The following RGS4 variants were observed in gnomAD, a reference collection of about 807,000 sequenced individuals.
RGS4 encodes the protein regulator of G protein signaling 4.
In RGS4, 15 loss-of-function variants were observed where a neutral mutation model predicts 21.6. The ratio of observed to expected loss-of-function variants is 0.69; its 90% CI spans 0.46 to 1.07. The LOEUF is 1.07. Among genes scored for constraint, RGS4 ranks in the 50% least tolerant of loss-of-function variants. RGS4 has a pLI of 0.00. For missense variants in RGS4, 237 were observed against 239.0 expected (o/e 0.99, Z 0.06); for synonymous variants, 94 against 85.5 (o/e 1.10, Z -0.55).
At chr1:163,068,913 C>T, upstream of RGS4, 2 of 1,517,258 alleles carry the variant, frequency 1.3e-6, no homozygotes, top group Non-Finnish European at 1.8e-6. Context: ...TTTTGGAAAT[C>T]GTGAGGATCA....
At chr1:163,072,610 A>T (rs1180678877) in intron 2 of RGS4, 111 bp downstream of exon 2, 268 of 913,572 alleles carry the variant, frequency 2.9e-4, no homozygotes, top group Non-Finnish European at 8.5e-6. Flanking sequence ...GGATCAAGAT[A>T]GCCTCCATTT....
At chr1:163,069,129 C>T (rs552463973), upstream of RGS4, 5 of 1,502,382 alleles carry the variant, frequency 3.3e-6, no homozygotes, top group African/African-American at 7.1e-5. Flanking sequence ...AATTCTAAAC[C>T]TCTGACATTG....
At chr1:163,073,433 T>C (rs1227592604) in intron 3 of RGS4, 23 bp from the exon 4 acceptor site, 1 of 1,534,436 alleles carries the variant, frequency 6.5e-7, no homozygotes, top group Non-Finnish European at 8.7e-7. Context: ...ATGACAACTG[T>C]GGTCCTTTCT....
upstream of RGS4, chr1:163,069,257 G>A (rs568460365): frequency 3.1e-5 from 48 of 1,549,876 alleles, 1 homozygote; most frequent in South Asian, 5.0e-4. Flanking sequence ...TTCAGGGGCT[G>A]GAGAGGCAGA....
Position 163,074,885 on chromosome 1 carries a change from G to C in RGS4, c.*325G>C, listed in dbSNP as rs145581980. The C allele has an allele frequency of 1.2e-4, 74 of 593,038 alleles. No homozygotes were observed. Among genetic ancestry groups the C allele is most frequent in the African/African-American group, 1.1e-3 (57 of 53,722 alleles). 36.7% of individuals were successfully genotyped at this position (593,038 alleles called of 1,614,324 possible). On this transcript the variant is annotated 3_prime_UTR_variant, in exon 5 of 5. Coordinates refer to ENST00000367909, the MANE Select transcript of RGS4 (RefSeq NM_005613.6). ...TTCCTCCTCCCAACAGTTTTACCTC[G>C]GGATGGTTGGTTAGTGCATGTCACA...
chr1:163,072,743 T>G (rs1000281080), intron 2 of RGS4, 62 bp from the exon 3 acceptor site: 10 of 1,428,052 alleles, frequency 7.0e-6, no homozygotes, highest in Non-Finnish European at 7.9e-6. Context: ...GATCTTAGAT[T>G]TCTTGCCCCA....
chr1:163,073,650 T>C (rs1478420483), intron 4 of RGS4, 28 bp downstream of exon 4: 1 of 1,472,492 alleles, frequency 6.8e-7, no homozygotes, highest in East Asian at 2.3e-5. Flanking sequence ...ACATAAAAAT[T>C]GTACGTATTT....
At chr1:163,074,227 G>C in intron 4 of RGS4, 94 bp from the exon 5 acceptor site, 1 of 1,509,300 alleles carries the variant, frequency 6.6e-7, no homozygotes, top group Middle Eastern at 2.4e-4. Context: ...AAATACAGAG[G>C]GTGCACTGCC....
chr1:163,068,905 T>C (rs142822667), upstream of RGS4: 100 of 1,482,150 alleles, frequency 6.7e-5, no homozygotes, highest in African/African-American at 1.2e-3. Context: ...CAGCTCCCTT[T>C]TGGAAATCGT....
At chr1:163,072,717 C>G in intron 2 of RGS4, 88 bp from the exon 3 acceptor site, 1 of 1,164,980 alleles carries the variant, frequency 8.6e-7, no homozygotes. Context: ...AAAATAAAAT[C>G]TTTGCCTTCA....
chr1:163,071,884 G>T lies in RGS4; in HGVS notation c.45-511G>T, dbSNP rs954387852. On this transcript the variant is annotated intron_variant, in intron 1 of 4. Coordinates refer to ENST00000367909, the MANE Select transcript of RGS4 (RefSeq NM_005613.6). ...CCCCCCCCCCCCCCCAACATACATG[G>T]CTGGAACTGAATAGACTTTTACTTT... The T allele has an allele frequency of 2.2e-5, 3 of 134,850 alleles. No individual in the cohort carries two copies. The African/African-American group carries it at 3.9e-4, about 17-fold the overall frequency. 8.4% of individuals were successfully genotyped at this position (134,850 alleles called of 1,614,324 possible).
intron 2 of RGS4, 45 bp downstream of exon 2, chr1:163,072,544 CT>C (rs1655354483): frequency 1.5e-6 from 2 of 1,332,994 alleles, no homozygotes; most frequent in African/African-American, 1.4e-5. Flanking sequence ...TATTAACTAT[CT>C]GATGATGGGG....
Position 163,072,444 on chromosome 1 carries a change from T to G in RGS4, c.94T>G (p.Ser32Ala). 6.2e-7 allele frequency: 1 copy of G among 1,613,306 alleles called. No individual in the cohort carries two copies. Among genetic ancestry groups the G allele is most frequent in the African/African-American group, 1.3e-5 (1 of 74,994 alleles). The change falls in exon 2 of 5, where the codon TCC (serine) becomes GCC (alanine). Residue 32 changes from serine (S) to alanine (A), a missense_variant. Transcript: ENST00000367909. ...RLGFLLQKSD[S>A]CEHNSSHNKK... ...AGGTTTCCTGCTGCAAAAATCTGAT[T>G]CCTGTGAACACAATTCTTCCCACAA...
chr1:163,069,551 A>G (rs760398732), intron 1 of RGS4, 23 bp downstream of exon 1: 20 of 1,589,890 alleles, frequency 1.3e-5, no homozygotes, highest in African/African-American at 1.3e-5. Context: ...TCAGCCATTA[A>G]CCATATTAAA....
At chr1:163,072,976 A>C (rs1439137714) in intron 3 of RGS4, 110 bp downstream of exon 3, 2 of 868,204 alleles carry the variant, frequency 2.3e-6, no homozygotes, top group Non-Finnish European at 1.8e-6. Flanking sequence ...GTTCAGACTC[A>C]GGAGACTCTT....
chr1:163,072,795 T>C lies in RGS4; in HGVS notation c.150-10T>C. The C allele has an allele frequency of 3.1e-6, 5 of 1,610,594 alleles. No individual in the cohort carries two copies. The highest frequency in any genetic ancestry group is 4.2e-6 in the Non-Finnish European group (5 of 1,177,674). The stretch of plus-strand genomic sequence containing the variant: ...ATTCCAATTATTCTGTTTCTCTCTA[T>C]TTTTTCTAGAGTGAGCCAAGAGGAA... On this transcript the variant is annotated splice_polypyrimidine_tract_variant and intron_variant, in intron 2 of 4. Coordinates refer to ENST00000367909, the MANE Select transcript of RGS4 (RefSeq NM_005613.6).
At chr1:163,074,091 A>T (rs1243331510) in intron 4 of RGS4, 10 of 542,070 alleles carry the variant, frequency 1.8e-5, no homozygotes, top group Non-Finnish European at 3.2e-5. Flanking sequence ...AATCTCCCCA[A>T]TTTGTTAGAC....
At position 163,074,652 on chromosome 1, in the gene RGS4, T is replaced by C. The variant is rs1409664469; in HGVS notation, c.*92T>C. 1 of 1,554,168 alleles carries C rather than the reference T, an allele frequency of 6.4e-7. No individual in the cohort carries two copies. Among genetic ancestry groups the C allele is most frequent in the Non-Finnish European group, 8.9e-7 (1 of 1,127,646 alleles). Reference sequence around the variant, plus strand: ...TTGATCTGTATTAAGCTCCAGTGCTTTATCCACATTGTAGCCTAATATTCA... The same window carrying C: ...TTGATCTGTATTAAGCTCCAGTGCTCTATCCACATTGTAGCCTAATATTCA... On this transcript the variant is annotated 3_prime_UTR_variant, in exon 5 of 5. Transcript: ENST00000367909.
chr1:163,069,239 T>C (rs1655219903), upstream of RGS4: 3 of 1,541,956 alleles, frequency 1.9e-6, no homozygotes, highest in Non-Finnish European at 2.6e-6. Context: ...CTTTTCTTCC[T>C]CATCTCTTTC....
Sources: gnomAD v4.1 joint callset for allele counts on GRCh38, gnomAD v4.1.1 for gene constraint, MANE v1.5 for transcripts, NCBI Gene and HGNC (gene_info 2026-07-23, HGNC 2026-07-21) for gene names.